Variants in MARCHF1 observed in about 807,000 individuals in gnomAD.
The protein encoded by MARCHF1 is E3 ubiquitin-protein ligase MARCHF1.
In MARCHF1, 40 loss-of-function variants were observed where a neutral mutation model predicts 54.2. That is an observed-to-expected ratio of 0.74 (90% CI 0.57 to 0.96). The LOEUF (loss-of-function observed/expected upper bound fraction) is 0.96, where lower values mean the gene tolerates loss of function less well. MARCHF1 is among the 40% of genes least tolerant of loss of function. MARCHF1 has a pLI of 0.00. For synonymous variants in MARCHF1, 236 were observed against 236.3 expected, an observed-to-expected ratio of 1.00 and a Z score of 0.01; for missense variants, 586 against 656.5, an observed-to-expected ratio of 0.89 and a Z score of 1.17.
At chr4:163,818,125 C>A (rs565012236) in intron 4 of MARCHF1, among the ~76,000 whole-genome samples, 2 of 151,944 alleles carry the variant, frequency 1.3e-5, no homozygotes, top group East Asian at 1.9e-4. Context: ...AAAAAGAAAG[C>A]CACTTAGAAA....
At chr4:164,110,271 A>G (rs1035825780) in intron 2 of MARCHF1, among the ~76,000 whole-genome samples, 6 of 151,808 alleles carry the variant, frequency 4.0e-5, no homozygotes, top group Non-Finnish European at 8.8e-5. Flanking sequence ...ATGTAAATGG[A>G]TAGAATTTGA....
At chr4:163,927,020 T>A (rs1218794282) in intron 3 of MARCHF1, among the ~76,000 whole-genome samples, 1 of 151,826 alleles carries the variant, frequency 6.6e-6, no homozygotes, top group Non-Finnish European at 1.5e-5. Flanking sequence ...ATCAAAATGC[T>A]ACATACACTT....
At chr4:163,907,109 C>CT (rs1751088094) in intron 3 of MARCHF1, among the ~76,000 whole-genome samples, 1 of 151,966 alleles carries the variant, frequency 6.6e-6, no homozygotes, top group African/African-American at 2.4e-5. Context: ...TTTTTCCATA[C>CT]TTTCCTTGTA....
At chr4:164,199,636 A>T (rs957551347) in intron 1 of MARCHF1, among the ~76,000 whole-genome samples, 67 of 92,456 alleles carry the variant, frequency 7.2e-4, no homozygotes, top group African/African-American at 2.8e-3. Context: ...ACTCTGTCAC[A>T]CACACACACA....
At chr4:163,690,698 C>T (rs373970949) in intron 5 of MARCHF1, among the ~76,000 whole-genome samples, 1 of 152,112 alleles carries the variant, frequency 6.6e-6, no homozygotes, top group South Asian at 2.1e-4. Context: ...ATATTTCATA[C>T]TCTCCTCTCC....
chr4:163,852,430 G>A (rs1045008828), intron 4 of MARCHF1, among the ~76,000 whole-genome samples: 1 of 152,140 alleles, frequency 6.6e-6, no homozygotes, highest in African/African-American at 2.4e-5. Context: ...CTTGGTTATA[G>A]TATGATACCT....
chr4:163,984,184 A>G (rs1752817444), intron 3 of MARCHF1, among the ~76,000 whole-genome samples: 1 of 151,974 alleles, frequency 6.6e-6, no homozygotes, highest in African/African-American at 2.4e-5. Flanking sequence ...TGGAAAGGCA[A>G]GTAGAAGATC....
chr4:164,330,185 A>C (rs1041465381), intron 1 of MARCHF1: 3 of 152,152 alleles, frequency 2.0e-5, no homozygotes, highest in Non-Finnish European at 2.9e-5. Context: ...AAAAAAAAAA[A>C]AAAACAAAAA....
chr4:163,764,874 T>A (rs1195294545), intron 4 of MARCHF1, among the ~76,000 whole-genome samples: 1 of 152,132 alleles, frequency 6.6e-6, no homozygotes. Flanking sequence ...TAACCTTGAA[T>A]ATTGTGACCA....
intron 1 of MARCHF1, among the ~76,000 whole-genome samples, chr4:164,233,688 C>A (rs1732475733): frequency 6.6e-6 from 1 of 152,026 alleles, no homozygotes; most frequent in Non-Finnish European, 1.5e-5. Flanking sequence ...TCCAAGATGG[C>A]CCATTTTTTC....
chr4:164,229,002 G>C (rs113889133), intron 1 of MARCHF1, among the ~76,000 whole-genome samples: 4 of 152,268 alleles, frequency 2.6e-5, no homozygotes, highest in African/African-American at 9.6e-5. Context: ...AGGCAGGGGC[G>C]TCTGTATTAG....
intron 4 of MARCHF1, among the ~76,000 whole-genome samples, chr4:163,752,124 C>T (rs182522876): frequency 6.6e-6 from 1 of 152,204 alleles, no homozygotes; most frequent in Admixed American, 6.5e-5. Context: ...AATAATGTGT[C>T]ATCTATTTAG....
chr4:163,671,824 G>A (rs975885673), intron 5 of MARCHF1, among the ~76,000 whole-genome samples: 3 of 151,880 alleles, frequency 2.0e-5, no homozygotes, highest in East Asian at 1.9e-4. Flanking sequence ...TTTGAAAGGC[G>A]AAAGGTACTA....
Position 164,341,173 on chromosome 4 carries a change from A to G in MARCHF1, c.-323+42697T>C, listed in dbSNP as rs554811968. Among the ~76,000 whole-genome samples the G allele has an allele frequency of 8.5e-5, 13 of 152,300 alleles. No homozygotes were observed. The East Asian group carries it at 2.3e-3, about 27-fold the overall frequency. ...CAGAGAAAGTATTTGACAAAATTCA[A>G]CATTTTTTCATAATACAAACTCAAC... On this transcript the variant is annotated intron_variant, in intron 1 of 9. Coordinates refer to ENST00000514618, the MANE Select transcript of MARCHF1 (RefSeq NM_001394959.1).
chr4:164,241,111 A>C (rs1403384810), intron 1 of MARCHF1, among the ~76,000 whole-genome samples: 1 of 151,982 alleles, frequency 6.6e-6, no homozygotes, highest in Non-Finnish European at 1.5e-5. Context: ...CATCACTGAG[A>C]CCCATGAATC....
At chr4:163,608,938 C>G (rs534175986) in intron 7 of MARCHF1, among the ~76,000 whole-genome samples, 1 of 152,138 alleles carries the variant, frequency 6.6e-6, no homozygotes, top group East Asian at 1.9e-4. Context: ...TATCTTTTCT[C>G]CTACACAAGA....
In MARCHF1 at chr4:163,636,167, C is replaced by T. The variant is rs553430455; in HGVS notation, c.163-22774G>A. On this transcript the variant is annotated intron_variant, in intron 5 of 9. Transcript: ENST00000514618. ...TGAATGGGAAAAAACTGGAAGCATT[C>T]CGTTTGAAAACCGGCACAAGACAGG... Among the ~76,000 whole-genome samples the T allele has an allele frequency of 9.2e-5, 14 of 152,276 alleles. No homozygotes were observed. The South Asian group carries it at 2.9e-3, about 32-fold the overall frequency.
chr4:164,103,921 G>T (rs1009196130), intron 2 of MARCHF1, among the ~76,000 whole-genome samples: 1 of 149,452 alleles, frequency 6.7e-6, no homozygotes, highest in Non-Finnish European at 1.5e-5. Context: ...AATAAAAAAT[G>T]ATAAAGGGGA....
intron 1 of MARCHF1, among the ~76,000 whole-genome samples, chr4:164,272,014 A>C (rs1733756500): frequency 6.6e-6 from 1 of 151,940 alleles, no homozygotes; most frequent in Admixed American, 6.6e-5. Flanking sequence ...AATGACTCAT[A>C]ATTATATGAA....
Sources: gnomAD v4.1 joint callset for allele counts (sites outside exome capture counted in the v4.1 genomes callset) on GRCh38, gnomAD v4.1.1 for gene constraint, MANE v1.5 for transcripts, NCBI Gene and HGNC (gene_info 2026-07-23, HGNC 2026-07-21) for gene names.